TESC: variants seen among roughly 807,000 people sequenced by gnomAD.
TESC encodes the protein tescalcin.
A neutral mutation model predicts 31.0 loss-of-function variants in TESC; 19 were observed. That is an observed-to-expected ratio of 0.61 (90% CI 0.43 to 0.90). The LOEUF (loss-of-function observed/expected upper bound fraction) is 0.90, where lower values mean the gene tolerates loss of function less well. Ranked by LOEUF, TESC falls within the 40% of genes least tolerant of loss-of-function variation. The probability of loss-of-function intolerance (pLI) is 0.00; values close to 1 mark genes in which losing one functional copy is unlikely to be tolerated. For missense variants in TESC, 248 were observed against 303.8 expected, an observed-to-expected ratio of 0.82 and a Z score of 1.36; for synonymous variants, 109 against 114.8, an observed-to-expected ratio of 0.95 and a Z score of 0.32.
At chr12:117,068,977 C>T (rs964641385) in intron 2 of TESC, among the ~76,000 whole-genome samples, 1 of 152,180 alleles carries the variant, frequency 6.6e-6, no homozygotes, top group Non-Finnish European at 1.5e-5. Flanking sequence ...AAAATTCTGA[C>T]CTTTTAACAG....
Position 117,075,847 on chromosome 12 carries a change from G to GTA in TESC, c.59-509_59-508dup, listed in dbSNP as rs57455838. 5.7e-4 allele frequency among the ~76,000 whole-genome samples: 38 copies of GTA among 67,208 alleles called. 1 individual carries two copies. The highest frequency in any genetic ancestry group is 2.2e-3 in the East Asian group (6 of 2,762). 44.1% of individuals were successfully genotyped at this position (67,208 alleles called of 152,430 possible). A position where few individuals can be genotyped will look rare whatever the true frequency, so the allele number is the denominator to read the frequency against. On this transcript the variant is annotated intron_variant, in intron 1 of 7. Transcript: ENST00000335209. ...GCCCGGCTAATTTTCGTGTGTGTGTGTATATATATATATATATATATATGT... is the reference window on the plus strand; with the variant it reads ...GCCCGGCTAATTTTCGTGTGTGTGTGTATATATATATATATATATATATATGT...
At chr12:117,076,332 C>T (rs982794625) in intron 1 of TESC, among the ~76,000 whole-genome samples, 1 of 152,090 alleles carries the variant, frequency 6.6e-6, no homozygotes, top group East Asian at 1.9e-4. Flanking sequence ...GGAAGGACTC[C>T]AATCTGGTGA....
intron 6 of TESC, among the ~76,000 whole-genome samples, chr12:117,043,177 T>C (rs926325743): frequency 6.6e-6 from 1 of 151,054 alleles, no homozygotes; most frequent in African/African-American, 2.4e-5. Context: ...ACGGAGAAAA[T>C]GGGAAGCCAC....
chr12:117,097,006 C>T (rs893813602), intron 1 of TESC, among the ~76,000 whole-genome samples: 4 of 152,220 alleles, frequency 2.6e-5, no homozygotes, highest in Non-Finnish European at 4.4e-5. Flanking sequence ...TGCTATGCCT[C>T]GTTCACAGTT....
In TESC at chr12:117,075,398, G is replaced by T; in HGVS notation, c.59-58C>A. The stretch of plus-strand genomic sequence containing the variant: ...CAGAAAAAAAAATCACTGACTGTCA[G>T]AGGGAGGCTGCAGATATTCTTTTGC... On this transcript the variant is annotated intron_variant, in intron 1 of 7. Transcript: ENST00000335209. 3 of 1,577,958 alleles carry T rather than the reference G, an allele frequency of 1.9e-6. No homozygotes were observed. In the Admixed American group the frequency reaches 5.1e-5, roughly 27 times the overall value.
chr12:117,079,645 T>A (rs1157661265), intron 1 of TESC, among the ~76,000 whole-genome samples: 1 of 151,812 alleles, frequency 6.6e-6, no homozygotes, highest in Non-Finnish European at 1.5e-5. Flanking sequence ...TGATTCCATT[T>A]GCATGAAATG....
At chr12:117,040,705 C>T (rs1391815653) in intron 7 of TESC, among the ~76,000 whole-genome samples, 1 of 152,202 alleles carries the variant, frequency 6.6e-6, no homozygotes, top group Non-Finnish European at 1.5e-5. Flanking sequence ...GGGCCATCTG[C>T]ACGGCAGTCC....
intron 4 of TESC, among the ~76,000 whole-genome samples, chr12:117,047,107 A>G (rs1483106331): frequency 6.6e-6 from 1 of 152,202 alleles, no homozygotes; most frequent in East Asian, 1.9e-4. Flanking sequence ...GAGGGCTGGG[A>G]GCTAGCGCTG....
intron 6 of TESC, among the ~76,000 whole-genome samples, chr12:117,043,806 T>A (rs994094929): frequency 2.0e-5 from 3 of 152,080 alleles, no homozygotes; most frequent in Non-Finnish European, 4.4e-5. Context: ...CGGCCCTGAG[T>A]TGGGTTCTAG....
At chr12:117,074,734 G>A (rs1955025199) in intron 2 of TESC, among the ~76,000 whole-genome samples, 1 of 152,186 alleles carries the variant, frequency 6.6e-6, no homozygotes, top group Non-Finnish European at 1.5e-5. Context: ...GTGAGGCATG[G>A]GGTGGCTGAA....
chr12:117,063,431 C>T (rs1247566362), intron 2 of TESC, among the ~76,000 whole-genome samples: 1 of 152,156 alleles, frequency 6.6e-6, no homozygotes, highest in African/African-American at 2.4e-5. Context: ...GGACCAGGCT[C>T]AAAAAACCAC....
At chr12:117,067,005 C>T (rs1347076705) in intron 2 of TESC, among the ~76,000 whole-genome samples, 2 of 152,176 alleles carry the variant, frequency 1.3e-5, no homozygotes, top group Non-Finnish European at 2.9e-5. Flanking sequence ...CCAAACTACC[C>T]CCTTGGTGGC....
At chr12:117,087,785 G>C (rs1406556675) in intron 1 of TESC, among the ~76,000 whole-genome samples, 5 of 152,348 alleles carry the variant, frequency 3.3e-5, no homozygotes, top group Middle Eastern at 3.4e-3. Flanking sequence ...GGAGGTTGCA[G>C]TGAGCCAAGA....
At chr12:117,041,226 C>T (rs1474226507) in intron 7 of TESC, among the ~76,000 whole-genome samples, 1 of 152,140 alleles carries the variant, frequency 6.6e-6, no homozygotes, top group Non-Finnish European at 1.5e-5. Context: ...TAGGACACAG[C>T]GAGGAAGGCC....
intron 1 of TESC, among the ~76,000 whole-genome samples, chr12:117,091,075 TG>T (rs1955299875): frequency 6.6e-6 from 1 of 152,224 alleles, no homozygotes; most frequent in Admixed American, 6.5e-5. Context: ...GTCACACTGC[TG>T]GGACGACAAA....
intron 2 of TESC, among the ~76,000 whole-genome samples, chr12:117,065,121 G>C (rs1421437650): frequency 6.6e-6 from 1 of 152,232 alleles, no homozygotes; most frequent in Non-Finnish European, 1.5e-5. Context: ...ACTCCCAATG[G>C]GTGAGACAGA....
chr12:117,077,465 C>T (rs150692828), intron 1 of TESC, among the ~76,000 whole-genome samples: 7 of 152,314 alleles, frequency 4.6e-5, no homozygotes, highest in East Asian at 1.9e-4. Flanking sequence ...CCCAAGCATG[C>T]GTACAAAGAT....
At chr12:117,043,170 G>A (rs1954509349) in intron 6 of TESC, among the ~76,000 whole-genome samples, 2 of 152,046 alleles carry the variant, frequency 1.3e-5, no homozygotes, top group Admixed American at 1.3e-4. Context: ...GGGTCATACG[G>A]AGAAAATGGG....
chr12:117,099,206 GC>G lies in TESC; in HGVS notation c.58+18del. The G allele has an allele frequency of 6.1e-6, 9 of 1,477,366 alleles. No individual in the cohort carries two copies. The highest frequency in any genetic ancestry group is 4.6e-5 in the Admixed American group (2 of 43,404). The allele number at this position is 1,477,366 out of a possible 1,614,324, so 91.5% of individuals were successfully genotyped here. A position where few individuals can be genotyped will look rare whatever the true frequency, so the allele number is the denominator to read the frequency against. On this transcript the variant is annotated intron_variant, in intron 1 of 7. Transcript: ENST00000335209. ...GAGGTCCCGCCCCGGTCCCCGCGCC[GC>G]CCCCCGCGGGTACTCACAGCCGGTC...
Sources: allele counts gnomAD v4.1 joint callset (sites outside exome capture counted in the v4.1 genomes callset), GRCh38; gene constraint gnomAD v4.1.1; transcripts MANE v1.5; gene names NCBI Gene and HGNC (gene_info 2026-07-23, HGNC 2026-07-21).